SAP130: variants seen among roughly 807,000 people sequenced by gnomAD.
SAP130 encodes histone deacetylase complex subunit SAP130.
In SAP130, 16 loss-of-function variants were observed where a neutral mutation model predicts 103.2. The ratio of observed to expected loss-of-function variants is 0.16; its 90% CI spans 0.10 to 0.24. The LOEUF (loss-of-function observed/expected upper bound fraction) is 0.24, where lower values mean the gene tolerates loss of function less well. SAP130 is among the 10% of genes least tolerant of loss of function. The probability of loss-of-function intolerance (pLI) is 1.00; values close to 1 mark genes in which losing one functional copy is unlikely to be tolerated. For missense variants in SAP130, 990 were observed against 1,359.7 expected, an observed-to-expected ratio of 0.73 and a Z score of 4.28; for synonymous variants, 477 against 497.0, an observed-to-expected ratio of 0.96 and a Z score of 0.53.
intron 14 of SAP130, among the ~76,000 whole-genome samples, chr2:127,979,286 G>C (rs1004389135): frequency 6.6e-6 from 1 of 152,144 alleles, no homozygotes; most frequent in Non-Finnish European, 1.5e-5. Context: ...AGAACCTCCG[G>C]GGGAACTGAC....
At position 127,942,360 on chromosome 2, in the gene SAP130, G is replaced by A; in HGVS notation, c.3015+64C>T. On this transcript the variant is annotated intron_variant, in intron 20 of 20. Transcript: ENST00000643581. This position sits in a 1 kb window ranked among gnomAD's most constrained non-coding sequence, Gnocchi z 4.8. ...AGGGAGACGGGGGGAAACGGGAGAA[G>A]TAGGGCTTTACAGAAAGCAACTTCA... is the stretch of plus-strand genomic sequence containing the variant. The A allele has an allele frequency of 8.0e-7, 1 of 1,243,318 alleles. No individual in the cohort carries two copies. Among genetic ancestry groups the A allele is most frequent in the Non-Finnish European group, 1.2e-6 (1 of 844,592 alleles). The allele number at this position is 1,243,318 out of a possible 1,614,324, so 77.0% of individuals were successfully genotyped here.
At chr2:127,950,092 C>T (rs148841010) in intron 17 of SAP130, 68 bp downstream of exon 17, 26 of 1,607,974 alleles carry the variant, frequency 1.6e-5, no homozygotes, top group Admixed American at 1.0e-4. Flanking sequence ...GACTATGTAA[C>T]GAGCCTCTGG....
intron 15 of SAP130, among the ~76,000 whole-genome samples, chr2:127,968,264 C>T (rs554996984): frequency 2.0e-5 from 3 of 151,946 alleles, no homozygotes; most frequent in South Asian, 2.1e-4. Flanking sequence ...CGGCCCCCAC[C>T]ATGTCCAGCT....
At position 128,013,232 on chromosome 2, in the gene SAP130, CAGAT is replaced by C. The variant is rs1233537384; in HGVS notation, c.620-82_620-79del. 6.4e-5 allele frequency: 87 copies of C among 1,353,362 alleles called. 1 individual carries two copies. Among genetic ancestry groups the C allele is most frequent in the Non-Finnish European group, 8.6e-5 (87 of 1,015,976 alleles). 83.8% of individuals were successfully genotyped at this position (1,353,362 alleles called of 1,614,324 possible). A position where few individuals can be genotyped will look rare whatever the true frequency, so the allele number is the denominator to read the frequency against. ...AATAATCAGTATGTTTCCCAAAACT[CAGAT>C]AGCATGTCAATATCGAGCTGAAGTA... On this transcript the variant is annotated intron_variant, in intron 5 of 20. Coordinates refer to ENST00000643581, the MANE Select transcript of SAP130 (RefSeq NM_001330301.2).
chr2:128,026,411 G>C, intron 1 of SAP130, 113 bp from the exon 2 acceptor site: 1 of 672,718 alleles, frequency 1.5e-6, no homozygotes, highest in Non-Finnish European at 2.6e-6. Context: ...AGCAAATGCT[G>C]CATCATTTAT....
intron 19 of SAP130, among the ~76,000 whole-genome samples, chr2:127,943,624 C>T (rs1006725489): frequency 2.6e-5 from 4 of 152,166 alleles, no homozygotes; most frequent in East Asian, 1.9e-4. Flanking sequence ...TGTATCTAAA[C>T]GTATCTATAC....
intron 10 of SAP130, among the ~76,000 whole-genome samples, chr2:127,998,322 T>C (rs1232287617): frequency 3.9e-5 from 6 of 152,214 alleles, no homozygotes; most frequent in Non-Finnish European, 7.3e-5. Context: ...TGGTATTCCA[T>C]TGGAATAGAG....
At chr2:127,961,688 C>A (rs138162412) in intron 15 of SAP130, among the ~76,000 whole-genome samples, 1 of 152,056 alleles carries the variant, frequency 6.6e-6, no homozygotes, top group African/African-American at 2.4e-5. Context: ...GGAAGGTGAG[C>A]GGAATGCACG....
intron 13 of SAP130, 44 bp from the exon 14 acceptor site, chr2:127,987,006 A>G (rs2948068): frequency 0.85 from 1,321,713 of 1,553,508 alleles, 568,958 homozygotes; most frequent in Non-Finnish European, 0.88. Flanking sequence ...AGAGAGGGAA[A>G]CAAAATGCCA....
At chr2:127,976,170 A>T (rs766975390) in intron 15 of SAP130, among the ~76,000 whole-genome samples, 3 of 152,150 alleles carry the variant, frequency 2.0e-5, no homozygotes, top group Non-Finnish European at 4.4e-5. Context: ...TACTGCACTA[A>T]TGTGCAAACT....
intron 2 of SAP130, among the ~76,000 whole-genome samples, chr2:128,023,225 C>A (rs1052988222): frequency 6.6e-6 from 1 of 152,118 alleles, no homozygotes; most frequent in Admixed American, 6.5e-5. Flanking sequence ...AACTCCTGGC[C>A]TCAGGTGATC....
chr2:128,005,435 G>A (rs879397680), intron 7 of SAP130, among the ~76,000 whole-genome samples: 3 of 151,848 alleles, frequency 2.0e-5, no homozygotes, highest in Admixed American at 2.0e-4. Context: ...TGGCCAACAT[G>A]GCAAACCCCC....
At chr2:128,003,480 C>G (rs1683719617) in intron 7 of SAP130, among the ~76,000 whole-genome samples, 1 of 147,574 alleles carries the variant, frequency 6.8e-6, no homozygotes, top group Non-Finnish European at 1.5e-5. Flanking sequence ...GCAACCTTGA[C>G]TTCTGGGGTT....
chr2:127,986,700 A>T lies in SAP130; in HGVS notation c.1958+85T>A. The T allele has an allele frequency of 7.3e-7, 1 of 1,368,162 alleles. No individual in the cohort carries two copies. Among genetic ancestry groups the T allele is most frequent in the Non-Finnish European group, 1.0e-6 (1 of 989,490 alleles). The allele number at this position is 1,368,162 out of a possible 1,614,324, so 84.8% of individuals were successfully genotyped here. Reference sequence around the variant, plus strand: ...ACAGAAAATGAGAGATGAGTTTGATACCAGCATTAGATAAGAGTGCCTATT... The same window carrying T: ...ACAGAAAATGAGAGATGAGTTTGATTCCAGCATTAGATAAGAGTGCCTATT... On this transcript the variant is annotated intron_variant, in intron 14 of 20. Transcript: ENST00000643581. The surrounding 1 kb of genome is among the most constrained non-coding windows in gnomAD (Gnocchi z 4.7).
At chr2:127,949,732 T>C (rs1679362822) in intron 18 of SAP130, 137 bp downstream of exon 18, 2 of 886,126 alleles carry the variant, frequency 2.3e-6, no homozygotes, top group Non-Finnish European at 3.4e-6. Flanking sequence ...ACTTAAACAC[T>C]AAAGCCTCAA....
intron 15 of SAP130, among the ~76,000 whole-genome samples, chr2:127,977,169 T>C (rs749907847): frequency 2.0e-5 from 3 of 152,030 alleles, no homozygotes; most frequent in Non-Finnish European, 4.4e-5. Flanking sequence ...ATAATATTAC[T>C]TGTGGAATTA....
intron 12 of SAP130, among the ~76,000 whole-genome samples, chr2:127,991,225 G>C (rs1004789363): frequency 6.6e-6 from 1 of 152,026 alleles, no homozygotes; most frequent in African/African-American, 2.4e-5. Context: ...ACTCCAGCCT[G>C]GGCAACAGAG....
At chr2:127,991,317 T>C (rs1297658386) in intron 12 of SAP130, among the ~76,000 whole-genome samples, 1 of 152,198 alleles carries the variant, frequency 6.6e-6, no homozygotes. Context: ...ATTCAAAATA[T>C]TACCATTTCA....
intron 1 of SAP130, 72 bp downstream of exon 1, chr2:128,027,868 C>T (rs1276965851): frequency 5.4e-6 from 5 of 928,052 alleles, no homozygotes; most frequent in Non-Finnish European, 6.4e-6. Flanking sequence ...GGGACGGACG[C>T]TGCAGCCCGG....
Sources: gnomAD v4.1 joint callset for allele counts (sites outside exome capture counted in the v4.1 genomes callset) on GRCh38, gnomAD v4.1.1 for gene constraint, Gnocchi (gnomAD v3.1) non-coding constraint, MANE v1.5 for transcripts, NCBI Gene and HGNC (gene_info 2026-07-23, HGNC 2026-07-21) for gene names.